The following SORCS2 variants were observed in gnomAD, a reference collection of about 807,000 sequenced individuals.
The protein encoded by SORCS2 is sortilin related VPS10 domain containing receptor 2.
Under a neutral mutation model 141.6 loss-of-function variants are expected in SORCS2, and 100 were observed. The ratio of observed to expected loss-of-function variants is 0.71; its 90% confidence interval spans 0.60 to 0.83. The LOEUF is 0.83. Among genes scored for constraint, SORCS2 ranks in the 40% least tolerant of loss-of-function variants. The pLI is 0.00. For synonymous variants in SORCS2, 789 were observed against 676.9 expected (o/e 1.17, Z -2.57); for missense variants, 1,646 against 1,560.2 (o/e 1.05, Z -0.93).
At chr4:7,615,261 GAC>G (rs1262969306) in intron 3 of SORCS2, among the ~76,000 whole-genome samples, 1 of 152,238 alleles carries the variant, frequency 6.6e-6, no homozygotes, top group African/African-American at 2.4e-5. Flanking sequence ...GAGCAAGAGA[GAC>G]AAGACCCTCC....
intron 10 of SORCS2, 32 bp from the exon 11 acceptor site, chr4:7,689,454 G>T (rs1428764197): frequency 1.3e-6 from 2 of 1,556,894 alleles, no homozygotes; most frequent in Non-Finnish European, 8.7e-7. Flanking sequence ...CTACTCATGT[G>T]TTGACAGTTG....
At chr4:7,493,409 T>G (rs1731423527) in intron 2 of SORCS2, among the ~76,000 whole-genome samples, 1 of 152,188 alleles carries the variant, frequency 6.6e-6, no homozygotes, top group African/African-American at 2.4e-5. Context: ...GCACAGCAGC[T>G]TCCCGAGGCC....
At chr4:7,673,596 T>C (rs1722918314) in intron 8 of SORCS2, among the ~76,000 whole-genome samples, 2 of 152,314 alleles carry the variant, frequency 1.3e-5, no homozygotes, top group South Asian at 4.1e-4. Context: ...AGCCCAAACG[T>C]AAACATTTGA....
intron 1 of SORCS2, among the ~76,000 whole-genome samples, chr4:7,219,327 G>T (rs1336926322): frequency 6.6e-6 from 1 of 152,064 alleles, no homozygotes; most frequent in Non-Finnish European, 1.5e-5. Flanking sequence ...CTCTAACTTG[G>T]CTTTAGAATA....
At chr4:7,366,707 A>C (rs1362144454) in intron 1 of SORCS2, among the ~76,000 whole-genome samples, 1 of 151,728 alleles carries the variant, frequency 6.6e-6, no homozygotes, top group African/African-American at 2.4e-5. Flanking sequence ...CGGCACCTCC[A>C]TGATGTTTGT....
chr4:7,503,386 C>T (rs551808576), intron 2 of SORCS2, among the ~76,000 whole-genome samples: 5 of 152,192 alleles, frequency 3.3e-5, no homozygotes, highest in African/African-American at 4.8e-5. Context: ...CTTTGACTCA[C>T]GTCTGCTACA....
At chr4:7,271,322 C>G (rs1156324293) in intron 1 of SORCS2, among the ~76,000 whole-genome samples, 2 of 152,216 alleles carry the variant, frequency 1.3e-5, no homozygotes, top group African/African-American at 4.8e-5. Flanking sequence ...ACAATTCAGC[C>G]CCTGTTCCTA....
intron 2 of SORCS2, among the ~76,000 whole-genome samples, chr4:7,427,756 G>A (rs972850379): frequency 3.9e-5 from 6 of 152,168 alleles, no homozygotes; most frequent in Non-Finnish European, 7.4e-5. Context: ...CAGATCTCAC[G>A]TGAACTGAGG....
intron 1 of SORCS2, among the ~76,000 whole-genome samples, chr4:7,318,921 C>G (rs138588594): frequency 6.6e-6 from 1 of 152,156 alleles, no homozygotes; most frequent in Non-Finnish European, 1.5e-5. Context: ...TGACAACTAC[C>G]GATCTGGTTT....
chr4:7,439,948 G>A (rs754157394), intron 2 of SORCS2, among the ~76,000 whole-genome samples: 4 of 152,242 alleles, frequency 2.6e-5, no homozygotes, highest in South Asian at 2.1e-4. Flanking sequence ...GGACTTCTCC[G>A]AAGTGACCAC....
chr4:7,512,584 C>A (rs1242276621), intron 2 of SORCS2, among the ~76,000 whole-genome samples: 7 of 152,062 alleles, frequency 4.6e-5, no homozygotes, highest in African/African-American at 1.2e-4. Flanking sequence ...AACCTCAGGC[C>A]CCCAGACTCC....
intron 14 of SORCS2, among the ~76,000 whole-genome samples, chr4:7,706,072 C>CTGGGCTCTGTCTGGGCAGGGATGAGGT (rs1560498527): frequency 6.6e-4 from 89 of 133,940 alleles, no homozygotes; most frequent in East Asian, 4.1e-3. Flanking sequence ...AGGGATGAGG[C>CTGGGCTCTGTCTGGGCAGGGATGAGGT]TGGGCTCTGC....
chr4:7,697,911 C>T (rs1724815728), intron 12 of SORCS2, among the ~76,000 whole-genome samples: 1 of 152,204 alleles, frequency 6.6e-6, no homozygotes, highest in Non-Finnish European at 1.5e-5. Flanking sequence ...ACAGGATGGC[C>T]TGGGCAGGGT....
At chr4:7,204,318 C>T (rs1029121229) in intron 1 of SORCS2, among the ~76,000 whole-genome samples, 16 of 152,082 alleles carry the variant, frequency 1.1e-4, no homozygotes, top group Admixed American at 2.6e-4. Context: ...TCTGACTAAG[C>T]GATTCTCTCA....
rs141249175 is a variant in SORCS2, at chr4:7,351,610, T to A, written c.481-44678T>A. Among the ~76,000 whole-genome samples, 396 of 152,194 alleles carry A rather than the reference T, an allele frequency of 2.6e-3. 2 individuals are homozygous for A. The highest frequency in any genetic ancestry group is 9.0e-3 in the African/African-American group (372 of 41,532). ...ACACCGAAGAGGGGACAGTTCATGC[T>A]CCTCTGAAAAATCAGAGGCCCTTGT... On this transcript the variant is annotated intron_variant, in intron 1 of 26. Transcript: ENST00000507866.
At chr4:7,726,084 C>A (rs531009017) in intron 20 of SORCS2, among the ~76,000 whole-genome samples, 5 of 152,216 alleles carry the variant, frequency 3.3e-5, no homozygotes, top group Non-Finnish European at 7.3e-5. Context: ...GGCAACATGG[C>A]GCCCACCCGG....
chr4:7,632,419 G>T (rs1264135001), intron 3 of SORCS2, among the ~76,000 whole-genome samples: 1 of 152,112 alleles, frequency 6.6e-6, no homozygotes, highest in Non-Finnish European at 1.5e-5. Flanking sequence ...TGCCAGCTCC[G>T]CCTGGCACGA....
chr4:7,238,297 G>T (rs1003769977), intron 1 of SORCS2, among the ~76,000 whole-genome samples: 12 of 152,064 alleles, frequency 7.9e-5, no homozygotes, highest in South Asian at 2.1e-4. Flanking sequence ...GTCTGGGGGG[G>T]GTTGCTGGTA....
At chr4:7,373,478 A>ATATATATATATTTTTTT (rs1470691140) in intron 1 of SORCS2, among the ~76,000 whole-genome samples, 1 of 36,818 alleles carries the variant, frequency 2.7e-5, no homozygotes, top group Non-Finnish European at 4.1e-5. Context: ...ATATATATAT[A>ATATATATATATTTTTTT]TTTTTTTTTT....
Sources: gnomAD v4.1 joint callset for allele counts (sites outside exome capture counted in the v4.1 genomes callset) on GRCh38, gnomAD v4.1.1 for gene constraint, MANE v1.5 for transcripts, NCBI Gene and HGNC (gene_info 2026-07-23, HGNC 2026-07-21) for gene names.